Variants in IGFBP1 observed in about 807,000 individuals in gnomAD.
IGFBP1 encodes the protein insulin like growth factor binding protein 1, also known as insulin-like growth factor-binding protein 1.
Under a neutral mutation model 23.1 loss-of-function variants are expected in IGFBP1, and 31 were observed. That is an observed-to-expected ratio of 1.34 (90% CI 1.01 to 1.81). The LOEUF (loss-of-function observed/expected upper bound fraction) is 1.81. IGFBP1 is among the 40% of genes most tolerant of loss of function. The pLI, the probability that IGFBP1 is intolerant of heterozygous loss-of-function variation, is 0.00. For missense variants in IGFBP1, 333 were observed against 342.2 expected, an observed-to-expected ratio of 0.97 and a Z score of 0.21; for synonymous variants, 148 against 145.5, an observed-to-expected ratio of 1.02 and a Z score of -0.13.
intron 3 of IGFBP1, 145 bp downstream of exon 3, chr7:45,892,205 G>T: frequency 7.3e-6 from 6 of 826,072 alleles, no homozygotes; most frequent in Non-Finnish European, 1.1e-5. Flanking sequence ...CCACCCCTCT[G>T]GGAACCTGGA....
intron 2 of IGFBP1, 34 bp downstream of exon 2, chr7:45,890,751 C>T (rs763767506): frequency 1.3e-6 from 2 of 1,562,478 alleles, no homozygotes; most frequent in Non-Finnish European, 1.7e-6. Flanking sequence ...GGGAACTCTC[C>T]TGTCAGAGGA....
At chr7:45,892,898 T>C in intron 3 of IGFBP1, 62 bp from the exon 4 acceptor site, 2 of 1,558,498 alleles carry the variant, frequency 1.3e-6, no homozygotes, top group Non-Finnish European at 1.8e-6. Flanking sequence ...GGGCCAGCTA[T>C]GGCTCTACTT....
Position 45,890,597 on chromosome 7 carries a change from G to A in IGFBP1, c.399G>A (p.Glu133=), listed in dbSNP as rs747531500. 6.2e-7 allele frequency: 1 copy of A among 1,613,776 alleles called. No individual in the cohort carries two copies. The highest frequency in any genetic ancestry group is 8.5e-7 in the Non-Finnish European group (1 of 1,179,864). ...AGAGCACGGAGATAACTGAGGAGGA[G>A]CTCCTGGATAATTTCCATCTGATGG... ...SPESTEITEE[E]LLDNFHLMAP... The change falls in exon 2 of 4, where the codon GAG becomes GAA. Residue 133 remains glutamate, a synonymous_variant. Coordinates refer to ENST00000275525, the MANE Select transcript of IGFBP1 (RefSeq NM_000596.4).
rs1030154912 is a variant in IGFBP1, at chr7:45,890,781, G to A, written c.519+64G>A. The A allele has an allele frequency of 3.0e-5, 43 of 1,432,290 alleles. No homozygotes were observed. The African/African-American group carries it at 4.9e-4, about 16-fold the overall frequency. The allele number at this position is 1,432,290 out of a possible 1,614,324, so 88.7% of individuals were successfully genotyped here. On this transcript the variant is annotated intron_variant, in intron 2 of 3. Coordinates refer to ENST00000275525, the MANE Select transcript of IGFBP1 (RefSeq NM_000596.4). ...AGAGGATGTAGCTTGAGTCGGCTGT[G>A]ACAAGCAGACCTGGCCCACTCCTTC...
At chr7:45,889,047 C>T in intron 1 of IGFBP1, 46 bp downstream of exon 1, 1 of 1,377,176 alleles carries the variant, frequency 7.3e-7, no homozygotes, top group Non-Finnish European at 9.6e-7. Context: ...CCGCCCGCCC[C>T]CGCCCGGCAC....
At chr7:45,890,434 G>T in intron 1 of IGFBP1, 114 bp from the exon 2 acceptor site, 1 of 1,057,734 alleles carries the variant, frequency 9.5e-7, no homozygotes, top group Non-Finnish European at 1.4e-6. Context: ...GTTAGGGAAT[G>T]TGGCCATCCT....
intron 3 of IGFBP1, 32 bp downstream of exon 3, chr7:45,892,092 G>T: frequency 6.2e-7 from 1 of 1,610,860 alleles, no homozygotes; most frequent in South Asian, 1.1e-5. Context: ...CGTCGTCAGG[G>T]TGAAAGGGAC....
At chr7:45,892,349 T>C (rs1207679385) in intron 3 of IGFBP1, among the ~76,000 whole-genome samples, 1 of 152,206 alleles carries the variant, frequency 6.6e-6, no homozygotes, top group African/African-American at 2.4e-5. Context: ...TGGAAGACTT[T>C]CCTAGGCCCC....
At chr7:45,890,355 G>T (rs539325944) in intron 1 of IGFBP1, among the ~76,000 whole-genome samples, 193 bp from the exon 2 acceptor site, 1 of 152,296 alleles carries the variant, frequency 6.6e-6, no homozygotes, top group Non-Finnish European at 1.5e-5. Flanking sequence ...GAGCTGGCAT[G>T]CTGTTGGGAC....
intron 3 of IGFBP1, 35 bp downstream of exon 3, chr7:45,892,095 A>G: frequency 6.2e-7 from 1 of 1,609,746 alleles, no homozygotes; most frequent in Non-Finnish European, 8.5e-7. Flanking sequence ...CGTCAGGGTG[A>G]AAGGGACTAC....
chr7:45,892,748 T>A (rs1368855507), intron 3 of IGFBP1, among the ~76,000 whole-genome samples: 1 of 152,222 alleles, frequency 6.6e-6, no homozygotes, highest in Non-Finnish European at 1.5e-5. Flanking sequence ...GGGAAGTCAT[T>A]ATTGCACATG....
rs1389339072 is a variant in IGFBP1 at position 45,888,769 on chromosome 7, G to A, written c.117G>A (p.Ala39=). 6.4e-7 allele frequency: 1 copy of A among 1,565,914 alleles called. No individual in the cohort carries two copies. The highest frequency in any genetic ancestry group is 8.6e-7 in the Non-Finnish European group (1 of 1,163,104). ...CGCCCTGCTCCGCCGAGAAGCTCGCGCTCTGCCCGCCGGTGTCCGCCTCGT... is the reference window on the plus strand; with the variant it reads ...CGCCCTGCTCCGCCGAGAAGCTCGCACTCTGCCCGCCGGTGTCCGCCTCGT... ...QCAPCSAEKL[A]LCPPVSASCS... Residue 39 remains alanine (A), a synonymous_variant, in exon 1 of 4, where the codon GCG becomes GCA. Coordinates refer to ENST00000275525, the MANE Select transcript of IGFBP1 (RefSeq NM_000596.4).
At position 45,888,815 on chromosome 7, in the gene IGFBP1, G is replaced by T. The variant is rs752043707; in HGVS notation, c.163G>T (p.Ala55Ser). Reference sequence around the variant, plus strand: ...CTCGTGCTCGGAGGTCACCCGGTCCGCCGGCTGCGGCTGTTGCCCGATGTG... The same window carrying T: ...CTCGTGCTCGGAGGTCACCCGGTCCTCCGGCTGCGGCTGTTGCCCGATGTG... ...SASCSEVTRS[A>S]GCGCCPMCAL... The change falls in exon 1 of 4, where the codon GCC becomes TCC. Residue 55 changes from alanine (A) to serine (S), a missense_variant. Ala to Ser is a moderately conservative substitution (Grantham distance 99, BLOSUM62 1). Transcript: ENST00000275525. The T allele has an allele frequency of 1.9e-6, 3 of 1,556,714 alleles. No homozygotes were observed. The highest frequency in any genetic ancestry group is 1.9e-5 in the Admixed American group (1 of 53,810).
rs866884197 is a variant in IGFBP1, at chr7:45,888,932, C to T, written c.280C>T (p.Leu94=). Reference sequence around the variant, plus strand: ...CGCGCTGCCGGGGGAGCAGCAACCTCTGCACGCCCTCACCCGCGGCCAAGG... The same window carrying T: ...CGCGCTGCCGGGGGAGCAGCAACCTTTGCACGCCCTCACCCGCGGCCAAGG... ...CRALPGEQQP[L]HALTRGQGAC... The change falls in exon 1 of 4, where the codon CTG becomes TTG. Residue 94 remains leucine, a synonymous_variant. Coordinates refer to ENST00000275525, the MANE Select transcript of IGFBP1 (RefSeq NM_000596.4). 3.3e-6 allele frequency: 5 copies of T among 1,522,780 alleles called. No individual in the cohort carries two copies. Among genetic ancestry groups the T allele is most frequent in the Middle Eastern group, 2.1e-4 (1 of 4,708 alleles). 94.3% of individuals were successfully genotyped at this position (1,522,780 alleles called of 1,614,324 possible). A position where few individuals can be genotyped will look rare whatever the true frequency, so the allele number is the denominator to read the frequency against.
chr7:45,888,759 A>G lies in IGFBP1; in HGVS notation c.107A>G (p.Glu36Gly). ...APWQCAPCSA[E>G]KLALCPPVSA... ...TGGCAGTGCGCGCCCTGCTCCGCCG[A>G]GAAGCTCGCGCTCTGCCCGCCGGTG... is the stretch of plus-strand genomic sequence containing the variant. The change falls in exon 1 of 4, where the codon GAG (glutamate) becomes GGG (glycine). Residue 36 changes from glutamate (E) to glycine (G), a missense_variant. Glu to Gly is a moderately conservative substitution (Grantham distance 98). Transcript: ENST00000275525. 1.3e-6 allele frequency: 2 copies of G among 1,579,776 alleles called. No homozygotes were observed. Among genetic ancestry groups the G allele is most frequent in the African/African-American group, 1.3e-5 (1 of 74,198 alleles).
Position 45,888,796 on chromosome 7 carries a change from C to A in IGFBP1, c.144C>A (p.Cys48Ter). The part of the protein sequence containing the change: ...LALCPPVSAS[C>*]SEVTRSAGCG... ...TCTGCCCGCCGGTGTCCGCCTCGTG[C>A]TCGGAGGTCACCCGGTCCGCCGGCT... Residue 48 changes from cysteine to a stop codon, truncating the protein, a stop_gained, in exon 1 of 4, where the codon TGC becomes TGA. Coordinates refer to ENST00000275525, the MANE Select transcript of IGFBP1 (RefSeq NM_000596.4). LOFTEE classifies it high-confidence loss of function. The A allele has an allele frequency of 6.4e-7, 1 of 1,574,532 alleles. No homozygotes were observed. The highest frequency in any genetic ancestry group is 8.6e-7 in the Non-Finnish European group (1 of 1,169,128).
chr7:45,890,433 T>A (rs1156434172), intron 1 of IGFBP1, 115 bp from the exon 2 acceptor site: 2 of 1,042,610 alleles, frequency 1.9e-6, no homozygotes, highest in African/African-American at 1.6e-5. Context: ...GGTTAGGGAA[T>A]GTGGCCATCC....
chr7:45,892,958 A>G lies in IGFBP1; in HGVS notation c.649-2A>G. The G allele has an allele frequency of 1.9e-6, 3 of 1,611,480 alleles. No homozygotes were observed. The highest frequency in any genetic ancestry group is 2.5e-6 in the Non-Finnish European group (3 of 1,178,636). The stretch of plus-strand genomic sequence containing the variant: ...CTCTTGACCTTGGTCTTGTCTTTGC[A>G]GTGTGAGACATCCATGGATGGAGAG... On this transcript the variant is annotated splice_acceptor_variant, in intron 3 of 3. Coordinates refer to ENST00000275525, the MANE Select transcript of IGFBP1 (RefSeq NM_000596.4). LOFTEE classifies it high-confidence loss of function.
Position 45,888,537 on chromosome 7 carries a change from C to T in IGFBP1, c.-116C>T. On this transcript the variant is annotated 5_prime_UTR_variant, in exon 1 of 4. Transcript: ENST00000275525. Reference sequence around the variant, plus strand: ...CGAGCATCTGCCGCCGCGCCGCCGCCACCCTCCCAGAGAGCACTGGCCACC... The same window carrying T: ...CGAGCATCTGCCGCCGCGCCGCCGCTACCCTCCCAGAGAGCACTGGCCACC... The T allele has an allele frequency of 1.2e-6, 1 of 861,068 alleles. No homozygotes were observed. The highest frequency in any genetic ancestry group is 1.8e-6 in the Non-Finnish European group (1 of 562,696). 53.3% of individuals were successfully genotyped at this position (861,068 alleles called of 1,614,324 possible). A position where few individuals can be genotyped will look rare whatever the true frequency, so the allele number is the denominator to read the frequency against.
Sources: gnomAD v4.1 joint callset for allele counts (sites outside exome capture counted in the v4.1 genomes callset) on GRCh38, gnomAD v4.1.1 for gene constraint, MANE v1.5 for transcripts, NCBI Gene and HGNC (gene_info 2026-07-23, HGNC 2026-07-21) for gene names.